TMEM87A: variants seen among roughly 807,000 people sequenced by gnomAD.
TMEM87A encodes the protein transmembrane protein 87A, also known as Golgi-pH regulating cation channel.
TMEM87A carries 50 observed loss-of-function variants against 90.0 expected under a neutral mutation model. The ratio of observed to expected loss-of-function variants is 0.56; its 90% CI spans 0.44 to 0.70. The LOEUF is 0.70. Ranked by LOEUF, TMEM87A falls within the 30% of genes least tolerant of loss-of-function variation. The pLI is 0.00. For synonymous variants in TMEM87A, 226 were observed against 226.7 expected, an observed-to-expected ratio of 1.00 and a Z score of 0.03; for missense variants, 577 against 660.5, an observed-to-expected ratio of 0.87 and a Z score of 1.39.
intron 10 of TMEM87A, 33 bp from the exon 11 acceptor site, chr15:42,233,339 T>G: frequency 6.4e-7 from 1 of 1,551,476 alleles, no homozygotes; most frequent in Non-Finnish European, 8.9e-7. Flanking sequence ...TTTGAGTACA[T>G]ATGGGACAAA....
At chr15:42,232,987 C>A in intron 11 of TMEM87A, 1 of 298,060 alleles carries the variant, frequency 3.4e-6, no homozygotes, top group Non-Finnish European at 6.2e-6. Context: ...AAACAATTAG[C>A]AATTTGGAGA....
chr15:42,239,144 A>G (rs1459185794), intron 8 of TMEM87A, among the ~76,000 whole-genome samples: 2 of 152,118 alleles, frequency 1.3e-5, no homozygotes, highest in African/African-American at 4.8e-5. Context: ...CCTGGGTTCA[A>G]GCAATTCTGC....
chr15:42,250,564 A>C (rs558540007), intron 6 of TMEM87A, among the ~76,000 whole-genome samples: 3 of 152,276 alleles, frequency 2.0e-5, no homozygotes, highest in South Asian at 4.2e-4. Flanking sequence ...TGGATTGAAA[A>C]TTATTTAAGA....
intron 15 of TMEM87A, among the ~76,000 whole-genome samples, chr15:42,226,416 T>G (rs1325008607): frequency 6.6e-6 from 1 of 151,830 alleles, no homozygotes; most frequent in East Asian, 1.9e-4. Context: ...AGTGTAAACA[T>G]AACTTTGATA....
rs1182032635 is a variant in TMEM87A at position 42,244,181 on chromosome 15, A to G, written c.505-14T>C. 9 of 1,473,562 alleles carry G rather than the reference A, an allele frequency of 6.1e-6. No individual in the cohort carries two copies. Among genetic ancestry groups the G allele is most frequent in the Admixed American group, 2.4e-5 (1 of 41,042 alleles). The allele number at this position is 1,473,562 out of a possible 1,614,324, so 91.3% of individuals were successfully genotyped here. On this transcript the variant is annotated splice_polypyrimidine_tract_variant and intron_variant, in intron 6 of 19. Transcript: ENST00000389834. Reference sequence around the variant, plus strand: ...TTCATGCATTGCCTAGAAAGGGAAAAGGGCATCACATCTATAAATCTTAAG... The same window carrying G: ...TTCATGCATTGCCTAGAAAGGGAAAGGGGCATCACATCTATAAATCTTAAG...
intron 15 of TMEM87A, among the ~76,000 whole-genome samples, chr15:42,224,923 C>T (rs574500277): frequency 6.6e-6 from 1 of 152,100 alleles, no homozygotes; most frequent in South Asian, 2.1e-4. Context: ...GAAGGTAACG[C>T]AAAAATTTTT....
intron 10 of TMEM87A, among the ~76,000 whole-genome samples, chr15:42,233,689 C>T (rs1236953022): frequency 6.6e-6 from 1 of 152,180 alleles, no homozygotes; most frequent in Non-Finnish European, 1.5e-5. Context: ...AAATCCTAGA[C>T]AGTATATCTT....
At chr15:42,224,989 T>C (rs1237625282) in intron 15 of TMEM87A, among the ~76,000 whole-genome samples, 2 of 152,180 alleles carry the variant, frequency 1.3e-5, no homozygotes, top group East Asian at 3.8e-4. Flanking sequence ...GAGTAACCAG[T>C]AGATCAACAG....
intron 6 of TMEM87A, among the ~76,000 whole-genome samples, chr15:42,255,699 G>A (rs997000182): frequency 6.6e-6 from 1 of 151,924 alleles, no homozygotes; most frequent in East Asian, 1.9e-4. Flanking sequence ...AAATATTAAA[G>A]TGTTCTCTTT....
rs1208211599 is a variant in TMEM87A, at chr15:42,221,271, CAG to C, written c.1404-1138_1404-1137del. The stretch of plus-strand genomic sequence containing the variant: ...CAAGAAAAGAAAGGAGAGACAGAGA[CAG>C]AGAGAGAGAGAGAGAGAGAGAGACA... On this transcript the variant is annotated intron_variant, in intron 15 of 19. Transcript: ENST00000389834. Among the ~76,000 whole-genome samples, 552 of 110,068 alleles carry C rather than the reference CAG, an allele frequency of 5.0e-3. 1 individual carries two copies. Among genetic ancestry groups the C allele is most frequent in the Admixed American group, 5.1e-3 (57 of 11,086 alleles). 72.2% of individuals were successfully genotyped at this position (110,068 alleles called of 152,430 possible). A position where few individuals can be genotyped will look rare whatever the true frequency, so the allele number is the denominator to read the frequency against.
intron 19 of TMEM87A, 43 bp downstream of exon 19, chr15:42,217,760 A>T (rs1349739602): frequency 6.3e-7 from 1 of 1,594,684 alleles, no homozygotes; most frequent in Non-Finnish European, 8.6e-7. Flanking sequence ...CTTTCTATTT[A>T]GTCACCATAT....
intron 12 of TMEM87A, among the ~76,000 whole-genome samples, chr15:42,230,041 G>C (rs1315801546): frequency 1.3e-5 from 2 of 152,156 alleles, no homozygotes; most frequent in South Asian, 2.1e-4. Context: ...GCCCAGGCTG[G>C]TCTCAAACTC....
At chr15:42,255,918 C>T (rs745818979) in intron 6 of TMEM87A, among the ~76,000 whole-genome samples, 91 of 149,518 alleles carry the variant, frequency 6.1e-4, no homozygotes, top group Non-Finnish European at 1.1e-3. Context: ...TATAGGCGTG[C>T]GCCACCACAC....
At chr15:42,219,690 A>T in intron 16 of TMEM87A, 48 bp from the exon 17 acceptor site, 2 of 1,297,470 alleles carry the variant, frequency 1.5e-6, no homozygotes, top group Non-Finnish European at 2.1e-6. Flanking sequence ...GAACAGACCA[A>T]CAATGTTGGC....
At chr15:42,248,151 G>C (rs1032047533) in intron 6 of TMEM87A, among the ~76,000 whole-genome samples, 5 of 152,212 alleles carry the variant, frequency 3.3e-5, no homozygotes, top group Non-Finnish European at 4.4e-5. Context: ...AGACTTTGCT[G>C]AAGTTGCTTA....
At chr15:42,269,998 C>G (rs1453110497) in intron 2 of TMEM87A, among the ~76,000 whole-genome samples, 1 of 147,366 alleles carries the variant, frequency 6.8e-6, no homozygotes, top group African/African-American at 2.5e-5. Flanking sequence ...AGCTATATAC[C>G]ATCCCCCAAA....
rs143482884 is a variant in TMEM87A, at chr15:42,215,895, T to A, written c.1626+1908A>T. 1.4e-3 allele frequency among the ~76,000 whole-genome samples: 220 copies of A among 152,206 alleles called. 2 individuals carry two copies. The highest frequency in any genetic ancestry group is 5.2e-3 in the African/African-American group (216 of 41,500). On this transcript the variant is annotated intron_variant, in intron 19 of 19. Transcript: ENST00000389834. ...GTAATCCCACTTCTGCATATATACC[T>A]AAAAGAAATGAAGCAGGATCTCAAA...
chr15:42,240,217 T>C (rs1236011053), intron 7 of TMEM87A, among the ~76,000 whole-genome samples: 1 of 152,240 alleles, frequency 6.6e-6, no homozygotes, highest in African/African-American at 2.4e-5. Flanking sequence ...TTACTATTTT[T>C]TCATGGACTC....
At chr15:42,251,577 G>A (rs561243695) in intron 6 of TMEM87A, among the ~76,000 whole-genome samples, 2 of 152,206 alleles carry the variant, frequency 1.3e-5, no homozygotes, top group African/African-American at 4.8e-5. Context: ...AGAGGAGGCT[G>A]CAGAACAGCA....
Sources: gnomAD v4.1 joint callset for allele counts (sites outside exome capture counted in the v4.1 genomes callset) on GRCh38, gnomAD v4.1.1 for gene constraint, MANE v1.5 for transcripts, NCBI Gene and HGNC (gene_info 2026-07-23, HGNC 2026-07-21) for gene names.